Variants in PLA2G4A observed in about 807,000 individuals in gnomAD.
The protein encoded by PLA2G4A is cytosolic phospholipase A2.
In PLA2G4A, 40 loss-of-function variants were observed where a neutral mutation model predicts 81.9. The ratio of observed to expected loss-of-function variants is 0.49; its 90% CI spans 0.38 to 0.64. PLA2G4A has a LOEUF of 0.64. PLA2G4A is among the 30% of genes least tolerant of loss of function. The probability of loss-of-function intolerance (pLI) is 0.00; values close to 1 mark genes in which losing one functional copy is unlikely to be tolerated. For synonymous variants in PLA2G4A, 302 were observed against 296.9 expected (o/e 1.02, Z -0.18); for missense variants, 715 against 905.1 (o/e 0.79, Z 2.69).
intron 3 of PLA2G4A, among the ~76,000 whole-genome samples, chr1:186,882,025 C>A (rs17526478): frequency 0.46 from 70,524 of 151,924 alleles, 19,705 homozygotes; most frequent in Non-Finnish European, 0.63. Flanking sequence ...TTTGACTGAG[C>A]AAGAACTCTG....
intron 7 of PLA2G4A, among the ~76,000 whole-genome samples, chr1:186,927,114 A>C (rs561837960): frequency 6.6e-6 from 1 of 152,280 alleles, no homozygotes; most frequent in Admixed American, 6.5e-5. Flanking sequence ...GACTGAACCA[A>C]TTTGGGCATT....
chr1:186,875,756 C>T (rs1277754405), intron 3 of PLA2G4A, among the ~76,000 whole-genome samples: 2 of 152,056 alleles, frequency 1.3e-5, no homozygotes, highest in African/African-American at 4.8e-5. Context: ...TGCTTTTAAC[C>T]ACTGCAGCAT....
intron 1 of PLA2G4A, among the ~76,000 whole-genome samples, chr1:186,829,327 C>A (rs1651467493): frequency 6.6e-6 from 1 of 152,152 alleles, no homozygotes; most frequent in Non-Finnish European, 1.5e-5. Context: ...GCATTCAAAA[C>A]GGCGGTGAGG....
intron 3 of PLA2G4A, among the ~76,000 whole-genome samples, chr1:186,885,945 G>A (rs191970991): frequency 6.6e-5 from 10 of 152,134 alleles, no homozygotes; most frequent in East Asian, 1.9e-4. Flanking sequence ...GAAGAGAGAG[G>A]GAATAGGGCA....
intron 17 of PLA2G4A, among the ~76,000 whole-genome samples, chr1:186,986,791 A>G (rs1039214802): frequency 7.9e-5 from 12 of 152,222 alleles, no homozygotes; most frequent in African/African-American, 2.4e-4. Context: ...TCAAGTATTG[A>G]CACTAATTGC....
intron 5 of PLA2G4A, among the ~76,000 whole-genome samples, chr1:186,897,218 A>G (rs1327716375): frequency 1.3e-5 from 2 of 152,186 alleles, no homozygotes; most frequent in African/African-American, 4.8e-5. Flanking sequence ...TTCTGTGTCT[A>G]GGAGACAGCT....
intron 5 of PLA2G4A, among the ~76,000 whole-genome samples, chr1:186,901,766 T>A (rs974830590): frequency 2.0e-5 from 3 of 152,178 alleles, no homozygotes; most frequent in African/African-American, 7.2e-5. Context: ...TATGAGAGTG[T>A]GGAATGTGGC....
intron 1 of PLA2G4A, among the ~76,000 whole-genome samples, chr1:186,829,357 A>G (rs1651468719): frequency 6.6e-6 from 1 of 152,206 alleles, no homozygotes; most frequent in South Asian, 2.1e-4. Flanking sequence ...TTAGCGTTCC[A>G]CGTGATGACA....
At chr1:186,976,781 A>G (rs1657548557) in intron 15 of PLA2G4A, among the ~76,000 whole-genome samples, 1 of 152,242 alleles carries the variant, frequency 6.6e-6, no homozygotes, top group Non-Finnish European at 1.5e-5. Context: ...TGCTTACCCC[A>G]GTGAGTTAGC....
intron 15 of PLA2G4A, among the ~76,000 whole-genome samples, chr1:186,970,775 T>A (rs1427558552): frequency 6.6e-6 from 1 of 152,120 alleles, no homozygotes; most frequent in Non-Finnish European, 1.5e-5. Flanking sequence ...TATGTCCGTT[T>A]TTGTGCCAGT....
intron 3 of PLA2G4A, among the ~76,000 whole-genome samples, chr1:186,891,693 T>A (rs1654150095): frequency 6.6e-6 from 1 of 152,248 alleles, no homozygotes; most frequent in Non-Finnish European, 1.5e-5. Flanking sequence ...ATTTACCCAT[T>A]CATCTGTTGA....
At chr1:186,835,385 A>G (rs1457581172) in intron 1 of PLA2G4A, among the ~76,000 whole-genome samples, 1 of 152,242 alleles carries the variant, frequency 6.6e-6, no homozygotes, top group East Asian at 1.9e-4. Flanking sequence ...TTTTTAAAAC[A>G]TATATTTGAT....
At chr1:186,958,112 A>AT (rs1481047183) in intron 14 of PLA2G4A, among the ~76,000 whole-genome samples, 2 of 152,084 alleles carry the variant, frequency 1.3e-5, no homozygotes, top group African/African-American at 4.8e-5. Flanking sequence ...AGAGGCAAAA[A>AT]TGACCCCTGT....
intron 4 of PLA2G4A, 121 bp downstream of exon 4, chr1:186,893,280 T>C: frequency 2.4e-6 from 2 of 839,558 alleles, no homozygotes; most frequent in South Asian, 2.7e-5. Flanking sequence ...ACTGGGCAGC[T>C]TGGTAGACTA....
chr1:186,924,527 T>C (rs1655477292), intron 7 of PLA2G4A, among the ~76,000 whole-genome samples: 2 of 152,160 alleles, frequency 1.3e-5, no homozygotes, highest in South Asian at 4.1e-4. Flanking sequence ...TTACATATAG[T>C]AATTCCTCAA....
chr1:186,951,786 G>A (rs1223221554), intron 13 of PLA2G4A, among the ~76,000 whole-genome samples: 1 of 152,156 alleles, frequency 6.6e-6, no homozygotes, highest in Non-Finnish European at 1.5e-5. Context: ...GCTAGTGTAT[G>A]TTGTCTTGCG....
intron 7 of PLA2G4A, among the ~76,000 whole-genome samples, chr1:186,915,699 G>A (rs1295394802): frequency 6.6e-6 from 1 of 152,120 alleles, no homozygotes; most frequent in Non-Finnish European, 1.5e-5. Context: ...TCCAGTCCCA[G>A]TGGGACTCCG....
intron 15 of PLA2G4A, among the ~76,000 whole-genome samples, chr1:186,972,450 G>T (rs901683021): frequency 6.6e-6 from 1 of 152,114 alleles, no homozygotes; most frequent in Admixed American, 6.6e-5. Flanking sequence ...AGGGGAAAAT[G>T]AAGGGACTTT....
intron 3 of PLA2G4A, among the ~76,000 whole-genome samples, chr1:186,872,383 G>C (rs1445603645): frequency 6.6e-6 from 1 of 152,072 alleles, no homozygotes; most frequent in Non-Finnish European, 1.5e-5. Flanking sequence ...AGGCCACGCT[G>C]TGTGTTGGAA....
Sources: allele counts gnomAD v4.1 joint callset (sites outside exome capture counted in the v4.1 genomes callset), GRCh38; gene constraint gnomAD v4.1.1; transcripts MANE v1.5; gene names NCBI Gene and HGNC (gene_info 2026-07-23, HGNC 2026-07-21).